The following PNPO variants were observed in gnomAD, a reference collection of about 807,000 sequenced individuals.
PNPO encodes pyridoxamine 5'-phosphate oxidase, also known as pyridoxine-5'-phosphate oxidase.
Under a neutral mutation model 35.0 loss-of-function variants are expected in PNPO, and 39 were observed. That is an observed-to-expected ratio of 1.11 (90% CI 0.86 to 1.45). The LOEUF (loss-of-function observed/expected upper bound fraction) is 1.45. PNPO is among the 40% of genes most tolerant of loss of function. PNPO has a pLI of 0.00. For missense variants in PNPO, 288 were observed against 340.0 expected, an observed-to-expected ratio of 0.85 and a Z score of 1.20; for synonymous variants, 115 against 119.8, an observed-to-expected ratio of 0.96 and a Z score of 0.26.
intron 1 of PNPO, 98 bp downstream of exon 1, chr17:47,941,911 C>T: frequency 1.4e-6 from 2 of 1,405,170 alleles, no homozygotes; most frequent in East Asian, 2.7e-5. Flanking sequence ...CCCCTCGGGG[C>T]TTCTGGGGCC....
chr17:47,943,469 A>G (rs767865752), intron 2 of PNPO, 39 bp downstream of exon 2: 15 of 1,609,936 alleles, frequency 9.3e-6, no homozygotes, highest in East Asian at 6.7e-5. Context: ...GTGGATACAT[A>G]TGAACTAGGA....
At position 47,945,180 on chromosome 17, in the gene PNPO, G is replaced by A; in HGVS notation, c.364-379G>A. 5.2e-6 allele frequency: 2 copies of A among 384,740 alleles called. No homozygotes were observed. The highest frequency in any genetic ancestry group is 9.9e-6 in the Non-Finnish European group (2 of 202,150). 23.8% of individuals were successfully genotyped at this position (384,740 alleles called of 1,614,324 possible). A position where few individuals can be genotyped will look rare whatever the true frequency, so the allele number is the denominator to read the frequency against. ...CTGCTGTATCCCCCGCACGTCTCCT[G>A]TTGTCAGACCCAGAGTGGGCACTTC... is the stretch of plus-strand genomic sequence containing the variant. On this transcript the variant is annotated intron_variant, in intron 3 of 6. Coordinates refer to ENST00000642017, the MANE Select transcript of PNPO (RefSeq NM_018129.4). This position sits in a 1 kb window ranked among gnomAD's most constrained non-coding sequence, Gnocchi z 4.0.
In PNPO at chr17:47,946,998, T is replaced by C. The variant is rs2144167224; in HGVS notation, c.*216T>C. ...TAATGGTGGCGTAGAGAATCACAAA[T>C]GGAAAATAATTCCATAATTATTTTT... On this transcript the variant is annotated 3_prime_UTR_variant, in exon 7 of 7. Transcript: ENST00000642017. The C allele has an allele frequency of 1.7e-6, 1 of 581,644 alleles. No homozygotes were observed. The highest frequency in any genetic ancestry group is 3.1e-6 in the Non-Finnish European group (1 of 326,192). 36.0% of individuals were successfully genotyped at this position (581,644 alleles called of 1,614,324 possible).
In PNPO at chr17:47,947,254, G is replaced by T. The variant is rs1285720695; in HGVS notation, c.*472G>T. ...ATCCAGAACCTTGGGAGTCATTAAAGCCAAGTCATTCATAGCAGCCAGGAA... is the reference window on the plus strand; with the variant it reads ...ATCCAGAACCTTGGGAGTCATTAAATCCAAGTCATTCATAGCAGCCAGGAA... On this transcript the variant is annotated 3_prime_UTR_variant, in exon 7 of 7. Coordinates refer to ENST00000642017, the MANE Select transcript of PNPO (RefSeq NM_018129.4). 1.8e-5 allele frequency: 3 copies of T among 168,314 alleles called. No homozygotes were observed. Among genetic ancestry groups the T allele is most frequent in the African/African-American group, 7.2e-5 (3 of 41,738 alleles). The allele number at this position is 168,314 out of a possible 1,614,324, so 10.4% of individuals were successfully genotyped here.
chr17:47,946,253 C>T (rs1367747956), intron 5 of PNPO, 70 bp from the exon 6 acceptor site: 1 of 1,248,894 alleles, frequency 8.0e-7, no homozygotes, highest in African/African-American at 1.5e-5. Context: ...CAGCACATAT[C>T]CCCAGGAAGT....
At chr17:47,944,765 C>A (rs1394336804) in intron 3 of PNPO, 50 bp downstream of exon 3, 1 of 1,448,020 alleles carries the variant, frequency 6.9e-7, no homozygotes, top group South Asian at 1.1e-5. Flanking sequence ...GGGTTTGGCT[C>A]TTGCTTCCTC....
chr17:47,944,603 T>G lies in PNPO; in HGVS notation c.264-13T>G. ...GCAGACTCTGACCACAGTGCTCTGC[T>G]CTTTGCTCCTAGAGATGGAAAACCC... On this transcript the variant is annotated splice_polypyrimidine_tract_variant and intron_variant, in intron 2 of 6. Coordinates refer to ENST00000642017, the MANE Select transcript of PNPO (RefSeq NM_018129.4). 6.2e-7 allele frequency: 1 copy of G among 1,605,924 alleles called. No homozygotes were observed. The highest frequency in any genetic ancestry group is 8.5e-7 in the Non-Finnish European group (1 of 1,172,804).
intron 5 of PNPO, 128 bp downstream of exon 5, chr17:47,946,117 G>A: frequency 1.5e-6 from 2 of 1,308,590 alleles, no homozygotes; most frequent in Admixed American, 3.6e-5. Context: ...TGAAAACAGT[G>A]AAAAGGACAG....
chr17:47,943,491 C>T, intron 2 of PNPO, 61 bp downstream of exon 2: 2 of 1,597,336 alleles, frequency 1.3e-6, no homozygotes, highest in Non-Finnish European at 1.7e-6. Context: ...GCTTATGAAG[C>T]TCTCTACTCT....
At position 47,945,075 on chromosome 17, in the gene PNPO, T is replaced by C. The variant is rs762313588; in HGVS notation, c.363+360T>C. The C allele has an allele frequency of 2.0e-5, 8 of 395,918 alleles. No homozygotes were observed. Among genetic ancestry groups the C allele is most frequent in the African/African-American group, 1.7e-4 (8 of 48,382 alleles). 24.5% of individuals were successfully genotyped at this position (395,918 alleles called of 1,614,324 possible). ...CTTCAGTTTGTAACTGAGCATTTGT[T>C]TGGGTGATTATGTAACTGATATTTG... is the stretch of plus-strand genomic sequence containing the variant. On this transcript the variant is annotated intron_variant, in intron 3 of 6. Transcript: ENST00000642017. The surrounding 1 kb of genome is among the most constrained non-coding windows in gnomAD (Gnocchi z 4.0).
intron 1 of PNPO, among the ~76,000 whole-genome samples, 195 bp from the exon 2 acceptor site, chr17:47,943,111 G>A (rs887666739): frequency 5.3e-5 from 8 of 152,150 alleles, no homozygotes; most frequent in Admixed American, 1.3e-4. Context: ...GGGACAGCAA[G>A]TTGTCTGAGT....
chr17:47,943,512 T>G, intron 2 of PNPO, 82 bp downstream of exon 2: 1 of 1,533,662 alleles, frequency 6.5e-7, no homozygotes, highest in Non-Finnish European at 9.0e-7. Flanking sequence ...GGATGCCAAT[T>G]TTATGGTTCC....
At chr17:47,942,342 G>A (rs1353167449) in intron 1 of PNPO, among the ~76,000 whole-genome samples, 1 of 151,870 alleles carries the variant, frequency 6.6e-6, no homozygotes, top group African/African-American at 2.4e-5. Flanking sequence ...ACTGGGGGGA[G>A]GGGAGTAGGA....
intron 1 of PNPO, 135 bp from the exon 2 acceptor site, chr17:47,943,171 T>C: frequency 1.5e-6 from 1 of 674,588 alleles, no homozygotes; most frequent in Non-Finnish European, 2.6e-6. Context: ...ATCTTCTTAC[T>C]GCATACTATT....
At position 47,946,374 on chromosome 17, in the gene PNPO, G is replaced by A. The variant is rs1192912615; in HGVS notation, c.598G>A (p.Val200Met). 3 of 1,613,248 alleles carry A rather than the reference G, an allele frequency of 1.9e-6. No homozygotes were observed. Among genetic ancestry groups the A allele is most frequent in the East Asian group, 4.5e-5 (2 of 44,892 alleles). ...GGAACAGCTCTACCAGGATCAAGAG[G>A]TGCCCAAGCCAAAATCCTGGTGAGT... ...ELEQLYQDQE[V>M]PKPKSWGGYV... The change falls in exon 6 of 7, where the codon GTG becomes ATG. Residue 200 changes from valine (V) to methionine (M), a missense_variant. Coordinates refer to ENST00000642017, the MANE Select transcript of PNPO (RefSeq NM_018129.4).
rs1479379331 is a variant in PNPO at position 47,945,656 on chromosome 17, C to G, written c.417+44C>G. The G allele has an allele frequency of 7.1e-6, 11 of 1,548,890 alleles. No individual in the cohort carries two copies. Among genetic ancestry groups the G allele is most frequent in the Non-Finnish European group, 8.0e-6 (9 of 1,120,636 alleles). ...GACAGCCTGGGATGGGCTGGGTTGG[C>G]AGGGCCTGAGTTTATGGCTACGTCT... On this transcript the variant is annotated intron_variant, in intron 4 of 6. Coordinates refer to ENST00000642017, the MANE Select transcript of PNPO (RefSeq NM_018129.4). The surrounding 1 kb of genome is among the most constrained non-coding windows in gnomAD (Gnocchi z 4.0).
chr17:47,945,159 T>C lies in PNPO; in HGVS notation c.364-400T>C. ...GGAGGCTGCTCTGTTTTATCTCTGC[T>C]GTATCCCCCGCACGTCTCCTGTTGT... On this transcript the variant is annotated intron_variant, in intron 3 of 6. Coordinates refer to ENST00000642017, the MANE Select transcript of PNPO (RefSeq NM_018129.4). This position sits in a 1 kb window ranked among gnomAD's most constrained non-coding sequence, Gnocchi z 4.0. The C allele has an allele frequency of 2.6e-6, 1 of 381,274 alleles. No individual in the cohort carries two copies. The highest frequency in any genetic ancestry group is 5.0e-6 in the Non-Finnish European group (1 of 200,168). The allele number at this position is 381,274 out of a possible 1,614,324, so 23.6% of individuals were successfully genotyped here.
In PNPO at chr17:47,946,706, C is replaced by T; in HGVS notation, c.710C>T (p.Pro237Leu). ...CGGATAGTCTTTCGGCGGGGCCTAC[C>T]CACAGGAGATTCCCCTTTGGGGCCC... ...HDRIVFRRGLPTGDSPLGPMT... is the reference protein window; with the variant it reads ...HDRIVFRRGLLTGDSPLGPMT... Residue 237 changes from proline to leucine, a missense_variant, in exon 7 of 7, where the codon CCC becomes CTC. By Grantham distance (98) the Pro-to-Leu change is moderately conservative. Coordinates refer to ENST00000642017, the MANE Select transcript of PNPO (RefSeq NM_018129.4). The T allele has an allele frequency of 6.2e-7, 1 of 1,614,150 alleles. No individual in the cohort carries two copies. The highest frequency in any genetic ancestry group is 8.5e-7 in the Non-Finnish European group (1 of 1,180,016).
intron 5 of PNPO, 23 bp downstream of exon 5, chr17:47,946,012 C>G: frequency 6.2e-7 from 1 of 1,612,910 alleles, no homozygotes; most frequent in East Asian, 2.2e-5. Context: ...CCGCTGTAGT[C>G]CTCCAGGTGG....
Sources: allele counts gnomAD v4.1 joint callset (sites outside exome capture counted in the v4.1 genomes callset), GRCh38; gene constraint gnomAD v4.1.1; non-coding constraint Gnocchi (gnomAD v3.1); transcripts MANE v1.5; gene names NCBI Gene and HGNC (gene_info 2026-07-23, HGNC 2026-07-21).